SEMA3B: variants seen among roughly 807,000 people sequenced by gnomAD.
SEMA3B encodes semaphorin-3B.
In SEMA3B, 71 loss-of-function variants were observed where a neutral mutation model predicts 77.8. That is an observed-to-expected ratio of 0.91 (90% CI 0.75 to 1.11). The LOEUF (loss-of-function observed/expected upper bound fraction) is 1.11. Ranked by LOEUF, SEMA3B falls within the 50% of genes most tolerant of loss-of-function variation. The pLI is 0.00. For synonymous variants in SEMA3B, 470 were observed against 452.9 expected (o/e 1.04, Z -0.48); for missense variants, 968 against 1,056.8 (o/e 0.92, Z 1.17).
rs782533276 is a variant in SEMA3B at position 50,271,076 on chromosome 3, C to T, written c.451-12C>T. 2 of 1,576,400 alleles carry T rather than the reference C, an allele frequency of 1.3e-6. No individual in the cohort carries two copies. Among genetic ancestry groups the T allele is most frequent in the Non-Finnish European group, 1.7e-6 (2 of 1,160,920 alleles). ...GAAGGGCCTGGTAGTCACAACTTGC[C>T]ACACCTCCCAGGAGCCCGTCCTCCG... On this transcript the variant is annotated splice_polypyrimidine_tract_variant and intron_variant, in intron 4 of 16. Transcript: ENST00000616701.
chr3:50,269,381 C>T lies in SEMA3B; in HGVS notation c.109+32C>T. ...GCACCTGGCAGGCGGGAGGGCCCAG[C>T]TTGAGGTGGGCAGGAAAGGGTCCCC... On this transcript the variant is annotated intron_variant, in intron 1 of 16. Coordinates refer to ENST00000616701, the MANE Select transcript of SEMA3B (RefSeq NM_001290060.2). This position sits in a 1 kb window ranked among gnomAD's most constrained non-coding sequence, Gnocchi z 4.0. The T allele has an allele frequency of 1.5e-6, 2 of 1,315,364 alleles. No homozygotes were observed. The allele number at this position is 1,315,364 out of a possible 1,614,324, so 81.5% of individuals were successfully genotyped here. A position where few individuals can be genotyped will look rare whatever the true frequency, so the allele number is the denominator to read the frequency against.
In SEMA3B at chr3:50,270,612, G is replaced by C; in HGVS notation, c.330+117G>C. 7.1e-7 allele frequency: 1 copy of C among 1,414,382 alleles called. No homozygotes were observed. The highest frequency in any genetic ancestry group is 1.2e-5 in the South Asian group (1 of 82,020). The allele number at this position is 1,414,382 out of a possible 1,614,324, so 87.6% of individuals were successfully genotyped here. ...GCTGGGATGAGGGCAGGGAGGTCGA[G>C]GTGGCTGAGGTCTGGGGGTGGTGAG... On this transcript the variant is annotated intron_variant, in intron 3 of 16. Coordinates refer to ENST00000616701, the MANE Select transcript of SEMA3B (RefSeq NM_001290060.2). This position sits in a 1 kb window ranked among gnomAD's most constrained non-coding sequence, Gnocchi z 4.7.
At position 50,271,491 on chromosome 3, in the gene SEMA3B, G is replaced by A. The variant is rs1701053224; in HGVS notation, c.664+11G>A. On this transcript the variant is annotated intron_variant, in intron 6 of 16. Coordinates refer to ENST00000616701, the MANE Select transcript of SEMA3B (RefSeq NM_001290060.2). ...CCCGCTGGCTCAATGGTGAGAGGCT[G>A]GTGGGGTTGGTGGGTAGAGGTCGTC... The A allele has an allele frequency of 1.3e-6, 2 of 1,555,096 alleles. No individual in the cohort carries two copies. Among genetic ancestry groups the A allele is most frequent in the South Asian group, 2.4e-5 (2 of 84,224 alleles).
In SEMA3B at chr3:50,271,479, T is replaced by C. The variant is rs369647277; in HGVS notation, c.663T>C (p.Asn221=). The change falls in exon 6 of 17, where the codon AAT becomes AAC. Residue 221 remains asparagine (N), a splice_region_variant and synonymous_variant. Transcript: ENST00000616701. ...AGCCACACGACTCCCGCTGGCTCAATGGTGAGAGGCTGGTGGGGTTGGTGG... is the reference window on the plus strand; with the variant it reads ...AGCCACACGACTCCCGCTGGCTCAACGGTGAGAGGCTGGTGGGGTTGGTGG... The part of the protein sequence containing the change: ...RTEPHDSRWL[N]EPKFVKVFWI... The C allele has an allele frequency of 8.2e-5, 128 of 1,561,038 alleles. No homozygotes were observed. Among genetic ancestry groups the C allele is most frequent in the Non-Finnish European group, 1.0e-4 (120 of 1,152,618 alleles).
upstream of SEMA3B, among the ~76,000 whole-genome samples, chr3:50,265,215 C>T (rs782604842): frequency 3.9e-5 from 6 of 152,178 alleles, no homozygotes; most frequent in Admixed American, 6.5e-5. Context: ...TGGCCGCCCA[C>T]GCCTGCCCCC....
rs369551926 is a variant in SEMA3B at position 50,275,060 on chromosome 3, G to C, written c.1491+7G>C. On this transcript the variant is annotated splice_region_variant and intron_variant, in intron 13 of 16. Coordinates refer to ENST00000616701, the MANE Select transcript of SEMA3B (RefSeq NM_001290060.2). This position sits in a 1 kb window ranked among gnomAD's most constrained non-coding sequence, Gnocchi z 7.5. ...GCAAATTTCTTCCAAGAGGGTGAGT[G>C]ACCAGGATGGGGGTCGGGGTGGGAT... 1.4e-5 allele frequency: 22 copies of C among 1,580,018 alleles called. No individual in the cohort carries two copies. In the African/African-American group the frequency reaches 1.6e-4, roughly 12 times the overall value.
rs587774246 is a variant in SEMA3B, at chr3:50,276,692, G to C, written c.2236G>C (p.Ala746Pro). The C allele has an allele frequency of 1.3e-6, 2 of 1,537,302 alleles. No homozygotes were observed. Among genetic ancestry groups the C allele is most frequent in the East Asian group, 2.4e-5 (1 of 42,294 alleles). The change falls in exon 17 of 17, where the codon GCA (alanine) becomes CCA (proline). Residue 746 changes from alanine (A) to proline (P), a missense_variant. Transcript: ENST00000616701. The surrounding 1 kb of genome is among the most constrained non-coding windows in gnomAD (Gnocchi z 5.8). ...EPRAERGPRS[A>P]THW ...TCGCGCTGAGCGGGGGCCGCGCAGC[G>C]CAACGCACTGGTGACCAGACTGTCC...
Position 50,274,557 on chromosome 3 carries a change from C to T in SEMA3B, c.1332C>T (p.His444=), listed in dbSNP as rs1264385614. ...AADRVAAADG[H]YDVLFIGTDV... ...ACCGGGTTGCAGCCGCTGACGGACA[C>T]TATGACGTCCTCTTCATTGGCACAG... Residue 444 remains histidine, a synonymous_variant, in exon 11 of 17, where the codon CAC becomes CAT. Coordinates refer to ENST00000616701, the MANE Select transcript of SEMA3B (RefSeq NM_001290060.2). This position sits in a 1 kb window ranked among gnomAD's most constrained non-coding sequence, Gnocchi z 4.7. 1 of 1,546,924 alleles carries T rather than the reference C, an allele frequency of 6.5e-7. No homozygotes were observed.
In SEMA3B at chr3:50,275,861, C is replaced by G. The variant is rs782214702; in HGVS notation, c.1845+17C>G. 13 of 1,567,234 alleles carry G rather than the reference C, an allele frequency of 8.3e-6. No individual in the cohort carries two copies. The highest frequency in any genetic ancestry group is 1.0e-5 in the Non-Finnish European group (12 of 1,160,592). On this transcript the variant is annotated intron_variant, in intron 16 of 16. Transcript: ENST00000616701. This position sits in a 1 kb window ranked among gnomAD's most constrained non-coding sequence, Gnocchi z 7.5. ...CACACCCAGGTGAGCCTTACTCCGC[C>G]CTCCCCGCCAGGCTCCTGTCCCACC...
rs1553704885 is a variant in SEMA3B, at chr3:50,269,191, G to C, written c.-50G>C. 19 of 1,359,126 alleles carry C rather than the reference G, an allele frequency of 1.4e-5. No individual in the cohort carries two copies. Among genetic ancestry groups the C allele is most frequent in the Admixed American group, 2.0e-5 (1 of 50,708 alleles). The allele number at this position is 1,359,126 out of a possible 1,614,324, so 84.2% of individuals were successfully genotyped here. ...GGGGCAGAGTCCAGGGCAGCTCAAG[G>C]CTCCTCCACACACACACCCGCTGAA... On this transcript the variant is annotated 5_prime_UTR_variant, in exon 1 of 17. Coordinates refer to ENST00000616701, the MANE Select transcript of SEMA3B (RefSeq NM_001290060.2). The surrounding 1 kb of genome is among the most constrained non-coding windows in gnomAD (Gnocchi z 4.0).
rs1553706594 is a variant in SEMA3B at position 50,275,891 on chromosome 3, G to A, written c.1845+47G>A. 3 of 1,531,812 alleles carry A rather than the reference G, an allele frequency of 2.0e-6. No individual in the cohort carries two copies. Among genetic ancestry groups the A allele is most frequent in the Non-Finnish European group, 2.6e-6 (3 of 1,146,002 alleles). 94.9% of individuals were successfully genotyped at this position (1,531,812 alleles called of 1,614,324 possible). ...CCGCCAGGCTCCTGTCCCACCCCCT[G>A]CATCCAGGAGAGGCCCCGCCCTACC... On this transcript the variant is annotated intron_variant, in intron 16 of 16. Coordinates refer to ENST00000616701, the MANE Select transcript of SEMA3B (RefSeq NM_001290060.2). This position sits in a 1 kb window ranked among gnomAD's most constrained non-coding sequence, Gnocchi z 7.5.
chr3:50,276,536 C>T lies in SEMA3B; in HGVS notation c.2080C>T (p.Gln694Ter), dbSNP rs1375656019. 2.0e-6 allele frequency: 3 copies of T among 1,535,580 alleles called. No individual in the cohort carries two copies. The highest frequency in any genetic ancestry group is 2.6e-6 in the Non-Finnish European group (3 of 1,145,666). The change falls in exon 17 of 17, where the codon CAG (glutamine) becomes TAG (stop). Residue 694 changes from glutamine (Q) to a stop codon, truncating the protein, a stop_gained. Coordinates refer to ENST00000616701, the MANE Select transcript of SEMA3B (RefSeq NM_001290060.2). LOFTEE classifies it low-confidence loss of function (END_TRUNC). This position sits in a 1 kb window ranked among gnomAD's most constrained non-coding sequence, Gnocchi z 5.8. ...GPKLWYRDFL[Q>*]LVEPGGGGSA... ...CAAACTCTGGTACCGGGACTTTCTGCAGCTGGTGGAGCCGGGCGGAGGTGG... is the reference window on the plus strand; with the variant it reads ...CAAACTCTGGTACCGGGACTTTCTGTAGCTGGTGGAGCCGGGCGGAGGTGG...
At chr3:50,260,587 C>T in the SEMA3B span, 2 of 152,282 alleles carry the variant, frequency 1.3e-5, no homozygotes, top group Non-Finnish European at 2.9e-5. Flanking sequence ...TTCAGAGGCC[C>T]AGGCCTGGAC....
At chr3:50,268,433 G>T (rs190464931), upstream of SEMA3B, among the ~76,000 whole-genome samples, 10 of 152,328 alleles carry the variant, frequency 6.6e-5, no homozygotes, top group East Asian at 1.5e-3. Context: ...ACACATCTGT[G>T]TGCAAAATAT....
Position 50,273,439 on chromosome 3 carries a change from G to T in SEMA3B, c.806G>T (p.Cys269Phe). Residue 269 changes from cysteine (C) to phenylalanine (F), a missense_variant, in exon 7 of 17, where the codon TGC becomes TTC. Cys to Phe is a radical substitution (Grantham distance 205). Transcript: ENST00000616701. This position sits in a 1 kb window ranked among gnomAD's most constrained non-coding sequence, Gnocchi z 6.5. ...TCCGTGTCCCGCGTTGGCCAGATCT[G>T]CCGGGTGAGGAGTCCCTGGGCCACA... ...RLSVSRVGQI[C>F]RNDVGGQRSL... 1.2e-6 allele frequency: 2 copies of T among 1,613,368 alleles called. No individual in the cohort carries two copies. The highest frequency in any genetic ancestry group is 1.7e-5 in the Admixed American group (1 of 60,000).
rs1369453774 is a variant in SEMA3B, at chr3:50,276,086, C to T, written c.1846-216C>T. ...ACCCTCCCATTAAGGTCCCTGACCA[C>T]CCCCCACCAAGTTCATGTAAACCCC... On this transcript the variant is annotated intron_variant, in intron 16 of 16. Transcript: ENST00000616701. This position sits in a 1 kb window ranked among gnomAD's most constrained non-coding sequence, Gnocchi z 5.8. The T allele has an allele frequency of 5.2e-6, 4 of 769,016 alleles. No homozygotes were observed. The highest frequency in any genetic ancestry group is 3.9e-4 in the Middle Eastern group (1 of 2,534). 47.6% of individuals were successfully genotyped at this position (769,016 alleles called of 1,614,324 possible).
chr3:50,273,766 G>T lies in SEMA3B; in HGVS notation c.930G>T (p.Val310=). The part of the protein sequence containing the change: ...GDTHFDQLQD[V]FLLSSRDHRT... ...TAGGCCCCTTCCCCGCAGAGGATGT[G>T]TTTCTGTTGTCCTCGCGGGACCACC... The change falls in exon 9 of 17, where the codon GTG becomes GTT. Residue 310 remains valine, a synonymous_variant. Transcript: ENST00000616701. The surrounding 1 kb of genome is among the most constrained non-coding windows in gnomAD (Gnocchi z 6.5). The T allele has an allele frequency of 1.2e-6, 2 of 1,601,256 alleles. No individual in the cohort carries two copies. Among genetic ancestry groups the T allele is most frequent in the Non-Finnish European group, 1.7e-6 (2 of 1,176,156 alleles).
rs1246412130 is a variant in SEMA3B at position 50,276,341 on chromosome 3, C to T, written c.1885C>T (p.Leu629=). 1 of 1,531,048 alleles carries T rather than the reference C, an allele frequency of 6.5e-7. No individual in the cohort carries two copies. The highest frequency in any genetic ancestry group is 2.0e-5 in the Admixed American group (1 of 50,684). 94.8% of individuals were successfully genotyped at this position (1,531,048 alleles called of 1,614,324 possible). The change falls in exon 17 of 17, where the codon CTA becomes TTA. Residue 629 remains leucine, a synonymous_variant. Coordinates refer to ENST00000616701, the MANE Select transcript of SEMA3B (RefSeq NM_001290060.2). The surrounding 1 kb of genome is among the most constrained non-coding windows in gnomAD (Gnocchi z 5.8). ...GCGCACCGAGCGCACCGCCCGGGGA[C>T]TACTGCTGCGCAGGCTGCGGCGCCG... ...EERTERTARG[L]LLRRLRRRDS... is the part of the protein sequence containing the mutation.
Position 50,276,678 on chromosome 3 carries a change from G to A in SEMA3B, c.2222G>A (p.Arg741Gln), listed in dbSNP as rs781789809. 1.3e-6 allele frequency: 2 copies of A among 1,559,154 alleles called. No individual in the cohort carries two copies. The highest frequency in any genetic ancestry group is 1.4e-5 in the African/African-American group (1 of 72,018). Reference sequence around the variant, plus strand: ...CACGCCCCTGAGCCTCGCGCTGAGCGGGGGCCGCGCAGCGCAACGCACTGG... The same window carrying A: ...CACGCCCCTGAGCCTCGCGCTGAGCAGGGGCCGCGCAGCGCAACGCACTGG... Reference protein sequence around the residue: ...RTHAPEPRAERGPRSATHW With the variant: ...RTHAPEPRAEQGPRSATHW The change falls in exon 17 of 17, where the codon CGG becomes CAG. Residue 741 changes from arginine to glutamine, a missense_variant. By Grantham distance (43) the Arg-to-Gln change is conservative. Coordinates refer to ENST00000616701, the MANE Select transcript of SEMA3B (RefSeq NM_001290060.2). This position sits in a 1 kb window ranked among gnomAD's most constrained non-coding sequence, Gnocchi z 5.8.
Sources: gnomAD v4.1 joint callset for allele counts (sites outside exome capture counted in the v4.1 genomes callset) on GRCh38, gnomAD v4.1.1 for gene constraint, Gnocchi (gnomAD v3.1) non-coding constraint, MANE v1.5 for transcripts, NCBI Gene and HGNC (gene_info 2026-07-23, HGNC 2026-07-21) for gene names.